The following TXLNB variants were observed in gnomAD, a reference collection of about 807,000 sequenced individuals.
The protein encoded by TXLNB is beta-taxilin.
Under a neutral mutation model 57.4 loss-of-function variants are expected in TXLNB, and 37 were observed. That is an observed-to-expected ratio of 0.64 (90% CI 0.50 to 0.85). The LOEUF (loss-of-function observed/expected upper bound fraction) is 0.85, where lower values mean the gene tolerates loss of function less well. Ranked by LOEUF, TXLNB falls within the 40% of genes least tolerant of loss-of-function variation. The probability of loss-of-function intolerance (pLI) is 0.00; values close to 1 mark genes in which losing one functional copy is unlikely to be tolerated. For synonymous variants in TXLNB, 302 were observed against 309.6 expected (o/e 0.98, Z 0.26); for missense variants, 848 against 825.6 (o/e 1.03, Z -0.33).
rs1562279020 is a variant in TXLNB at position 139,262,664 on chromosome 6, T to A, written c.797A>T (p.Glu266Val). The change falls in exon 5 of 10, where the codon GAG (glutamate) becomes GTG (valine). Residue 266 changes from glutamate to valine, a missense_variant. Glu to Val is a moderately radical substitution (Grantham distance 121). Transcript: ENST00000358430. ...CTCCTGACAGAGCTTCATATTTCGCTCACTCTGCTGCTCGATCTGGCCCTG... is the reference window on the plus strand; with the variant it reads ...CTCCTGACAGAGCTTCATATTTCGCACACTCTGCTGCTCGATCTGGCCCTG... ...DIQGQIEQQSERNMKLCQENT... is the reference protein window; with the variant it reads ...DIQGQIEQQSVRNMKLCQENT... 6.2e-7 allele frequency: 1 copy of A among 1,614,104 alleles called. No individual in the cohort carries two copies. The highest frequency in any genetic ancestry group is 1.3e-5 in the African/African-American group (1 of 74,944).
chr6:139,233,777 T>A, the TXLNB span, among the ~76,000 whole-genome samples: 1 of 152,172 alleles, frequency 6.6e-6, no homozygotes, highest in African/African-American at 2.4e-5. Context: ...TGAACTAATA[T>A]AGTAAATTGT....
At chr6:139,190,784 T>G in the TXLNB span, among the ~76,000 whole-genome samples, 147 of 152,316 alleles carry the variant, frequency 9.7e-4, no homozygotes, top group African/African-American at 3.3e-3. Flanking sequence ...TGCTTTTGTT[T>G]TTCTCTTCTT....
At chr6:139,273,802 C>T (rs1477985406) in intron 3 of TXLNB, among the ~76,000 whole-genome samples, 1 of 152,178 alleles carries the variant, frequency 6.6e-6, no homozygotes, top group African/African-American at 2.4e-5. Context: ...CAGAACTTTC[C>T]TTTATATTTA....
the TXLNB span, among the ~76,000 whole-genome samples, chr6:139,209,617 A>G: frequency 6.6e-6 from 1 of 152,224 alleles, no homozygotes; most frequent in South Asian, 2.1e-4. Flanking sequence ...AAAGTGGGGA[A>G]AGGATACCCT....
chr6:139,317,718 T>C, the TXLNB span, among the ~76,000 whole-genome samples: 16 of 151,910 alleles, frequency 1.1e-4, no homozygotes, highest in South Asian at 2.7e-3. Flanking sequence ...ATGGTAATAA[T>C]AGAGTTAAGA....
chr6:139,271,632 T>C (rs1776766341), intron 3 of TXLNB: 1 of 152,222 alleles, frequency 6.6e-6, no homozygotes, highest in African/African-American at 2.4e-5. Context: ...ACGTAAACTT[T>C]GTATTTTTAT....
chr6:139,297,245 T>C, the TXLNB span, among the ~76,000 whole-genome samples: 1 of 152,198 alleles, frequency 6.6e-6, no homozygotes, highest in South Asian at 2.1e-4. Context: ...TACTGGTGAA[T>C]TTTATAGAAG....
the TXLNB span, among the ~76,000 whole-genome samples, chr6:139,202,766 C>T: frequency 6.6e-6 from 1 of 152,174 alleles, no homozygotes; most frequent in African/African-American, 2.4e-5. Context: ...TTATTGTTAA[C>T]TAGTCACCTT....
chr6:139,174,364 C>T, the TXLNB span: 2 of 1,604,306 alleles, frequency 1.2e-6, no homozygotes, highest in South Asian at 1.1e-5. Flanking sequence ...CCACTCAGAG[C>T]CTTGTGTCTT....
intron 7 of TXLNB, 21 bp downstream of exon 7, chr6:139,255,543 G>A: frequency 1.9e-6 from 3 of 1,611,414 alleles, no homozygotes; most frequent in Non-Finnish European, 2.5e-6. Context: ...GCACCCCCAT[G>A]CCTCGTCCAC....
chr6:139,278,391 G>A (rs1360765682), intron 2 of TXLNB, among the ~76,000 whole-genome samples: 1 of 152,150 alleles, frequency 6.6e-6, no homozygotes, highest in African/African-American at 2.4e-5. Flanking sequence ...CCTAAAACAG[G>A]GGAAGGTGGG....
chr6:139,316,076 A>C, the TXLNB span, among the ~76,000 whole-genome samples: 1 of 152,248 alleles, frequency 6.6e-6, no homozygotes, highest in African/African-American at 2.4e-5. Context: ...TTTGGTAAGA[A>C]TATACAGAGA....
intron 6 of TXLNB, among the ~76,000 whole-genome samples, chr6:139,258,131 C>G (rs971318438): frequency 1.3e-5 from 2 of 152,170 alleles, no homozygotes; most frequent in African/African-American, 4.8e-5. Context: ...GATATCTCAT[C>G]GCTTCCAAAA....
the TXLNB span, chr6:139,179,419 C>T: frequency 1.3e-5 from 2 of 152,236 alleles, no homozygotes; most frequent in African/African-American, 4.8e-5. Context: ...ATGCTGTGTT[C>T]CATGTTGCCT....
chr6:139,199,051 T>A, the TXLNB span, among the ~76,000 whole-genome samples: 1 of 151,980 alleles, frequency 6.6e-6, no homozygotes, highest in Non-Finnish European at 1.5e-5. Flanking sequence ...CCGATAAAGG[T>A]TCATATTTAG....
chr6:139,304,906 T>C, the TXLNB span, among the ~76,000 whole-genome samples: 1 of 152,220 alleles, frequency 6.6e-6, no homozygotes, highest in East Asian at 1.9e-4. Flanking sequence ...TACCACCTCA[T>C]TCCATTTTTT....
At chr6:139,232,747 C>T in the TXLNB span, among the ~76,000 whole-genome samples, 4 of 152,180 alleles carry the variant, frequency 2.6e-5, no homozygotes, top group African/African-American at 9.7e-5. Context: ...TGACCTTTAG[C>T]CAATGCTATG....
the TXLNB span, among the ~76,000 whole-genome samples, chr6:139,201,308 G>A: frequency 1.3e-5 from 2 of 152,124 alleles, no homozygotes; most frequent in Non-Finnish European, 2.9e-5. Flanking sequence ...AGTCACTCAC[G>A]CTGAAGCTCC....
the TXLNB span, among the ~76,000 whole-genome samples, chr6:139,188,630 C>T: frequency 1.3e-5 from 2 of 152,326 alleles, no homozygotes; most frequent in East Asian, 1.9e-4. Flanking sequence ...TCACTCCCAA[C>T]GTCTCTCATT....
Sources: gnomAD v4.1 joint callset for allele counts (sites outside exome capture counted in the v4.1 genomes callset) on GRCh38, gnomAD v4.1.1 for gene constraint, MANE v1.5 for transcripts, NCBI Gene and HGNC (gene_info 2026-07-23, HGNC 2026-07-21) for gene names.